TOX: variants seen among roughly 807,000 people sequenced by gnomAD.
TOX encodes thymocyte selection-associated high mobility group box protein TOX.
TOX carries 11 observed loss-of-function variants against 53.7 expected under a neutral mutation model. The ratio of observed to expected loss-of-function variants is 0.20; its 90% CI spans 0.13 to 0.34. TOX has a LOEUF of 0.34. TOX is among the 10% of genes least tolerant of loss of function. TOX has a pLI of 1.00. For synonymous variants in TOX, 225 were observed against 245.3 expected, an observed-to-expected ratio of 0.92 and a Z score of 0.77; for missense variants, 570 against 664.6, an observed-to-expected ratio of 0.86 and a Z score of 1.56.
In TOX at chr8:59,117,545, G is replaced by A. The variant is rs2129425354; in HGVS notation, c.102+1341C>T. Among the ~76,000 whole-genome samples, 1 of 152,388 alleles carries A rather than the reference G, an allele frequency of 6.6e-6. No homozygotes were observed. The highest frequency in any genetic ancestry group is 2.4e-5 in the African/African-American group (1 of 41,594). ...TCCACGGGGAAGTGTGTGTGTGAGA[G>A]CCTGCCTGTGTGTCAACACTGTCCA... On this transcript the variant is annotated intron_variant, in intron 1 of 8. Coordinates refer to ENST00000361421, the MANE Select transcript of TOX (RefSeq NM_014729.3). This position sits in a 1 kb window ranked among gnomAD's most constrained non-coding sequence, Gnocchi z 4.6.
chr8:58,989,359 T>C (rs115741888), intron 1 of TOX, among the ~76,000 whole-genome samples: 21 of 152,200 alleles, frequency 1.4e-4, no homozygotes, highest in African/African-American at 5.1e-4. Context: ...TTTAGCTATG[T>C]TTAGTGCATG....
At position 59,021,499 on chromosome 8, in the gene TOX, T is replaced by TATATATATATATATATATACAC. The variant is rs1554539851; in HGVS notation, c.103-61492_103-61491insGTGTATATATATATATATATAT. Among the ~76,000 whole-genome samples the TATATATATATATATATATACAC allele has an allele frequency of 8.3e-4, 91 of 109,482 alleles. 1 individual carries two copies. Among genetic ancestry groups the TATATATATATATATATATACAC allele is most frequent in the Middle Eastern group, 4.5e-3 (1 of 220 alleles). The allele number at this position is 109,482 out of a possible 152,430, so 71.8% of individuals were successfully genotyped here. ...AAAAAAAAATATATATATATATATATGCACATATATACAATGTCAGATATA... is the reference window on the plus strand; with the variant it reads ...AAAAAAAAATATATATATATATATATATATATATATATATATATACACGCACATATATACAATGTCAGATATA... On this transcript the variant is annotated intron_variant, in intron 1 of 8. Transcript: ENST00000361421.
intron 1 of TOX, among the ~76,000 whole-genome samples, chr8:59,018,904 T>A (rs1476702203): frequency 1.3e-5 from 2 of 152,188 alleles, no homozygotes; most frequent in Non-Finnish European, 2.9e-5. Context: ...ATTATTATGG[T>A]TAGCCTAGCT....
chr8:59,043,437 A>G (rs1803629576), intron 1 of TOX, among the ~76,000 whole-genome samples: 1 of 151,790 alleles, frequency 6.6e-6, no homozygotes, highest in Non-Finnish European at 1.5e-5. Flanking sequence ...TTCAAAATAA[A>G]TTATAGGAAA....
At chr8:58,883,388 G>T (rs545348069) in intron 3 of TOX, among the ~76,000 whole-genome samples, 9 of 152,208 alleles carry the variant, frequency 5.9e-5, no homozygotes, top group African/African-American at 2.2e-4. Context: ...CCATTATGTG[G>T]CCTACTAAAA....
At chr8:58,995,631 TAC>T (rs1813546804) in intron 1 of TOX, among the ~76,000 whole-genome samples, 1 of 152,180 alleles carries the variant, frequency 6.6e-6, no homozygotes, top group Admixed American at 6.5e-5. Flanking sequence ...AAGTGAGAAA[TAC>T]ACACAAAAGT....
rs543862739 is a variant in TOX, at chr8:58,967,131, C to T, written c.103-7123G>A. 4.7e-3 allele frequency among the ~76,000 whole-genome samples: 720 copies of T among 152,168 alleles called. 3 individuals are homozygous for T. Among genetic ancestry groups the T allele is most frequent in the African/African-American group, 0.017 (694 of 41,518 alleles). ...CCTCGTGATCTGCCCTCCTCGGCCT[C>T]CCAAAGTGCTGGGATTACAGGCGTG... On this transcript the variant is annotated intron_variant, in intron 1 of 8. Coordinates refer to ENST00000361421, the MANE Select transcript of TOX (RefSeq NM_014729.3).
intron 3 of TOX, among the ~76,000 whole-genome samples, chr8:58,926,929 A>G (rs1812171613): frequency 6.6e-6 from 1 of 152,236 alleles, no homozygotes; most frequent in African/African-American, 2.4e-5. Context: ...TGGAAAGCTA[A>G]TGTCTTTAAC....
intron 1 of TOX, among the ~76,000 whole-genome samples, chr8:58,971,482 T>C (rs890221736): frequency 6.6e-6 from 1 of 152,222 alleles, no homozygotes; most frequent in African/African-American, 2.4e-5. Flanking sequence ...CAGATTTAGA[T>C]GAGACATGCA....
At chr8:58,985,106 C>T (rs1813302157) in intron 1 of TOX, among the ~76,000 whole-genome samples, 1 of 148,918 alleles carries the variant, frequency 6.7e-6, no homozygotes, top group Non-Finnish European at 1.5e-5. Context: ...ATATAATATA[C>T]ATATATATTA....
chr8:59,036,374 A>T (rs1036401962), intron 1 of TOX, among the ~76,000 whole-genome samples: 2 of 152,092 alleles, frequency 1.3e-5, no homozygotes, highest in Non-Finnish European at 2.9e-5. Flanking sequence ...AGGCCCAGAG[A>T]CTCTGGCCTC....
At chr8:58,987,952 A>G (rs1813364240) in intron 1 of TOX, among the ~76,000 whole-genome samples, 1 of 152,238 alleles carries the variant, frequency 6.6e-6, no homozygotes, top group Non-Finnish European at 1.5e-5. Context: ...AAGCTGGCCT[A>G]AATGACATAA....
intron 3 of TOX, among the ~76,000 whole-genome samples, chr8:58,906,971 G>A (rs1358323718): frequency 6.6e-6 from 1 of 152,220 alleles, no homozygotes; most frequent in Non-Finnish European, 1.5e-5. Context: ...CCTTCAGCCT[G>A]TAGCACTGAA....
At chr8:59,058,686 C>T (rs752900231) in intron 1 of TOX, among the ~76,000 whole-genome samples, 4 of 152,198 alleles carry the variant, frequency 2.6e-5, no homozygotes, top group South Asian at 2.1e-4. Context: ...ATGAGTTGTG[C>T]GCTCCAAGTC....
intron 3 of TOX, among the ~76,000 whole-genome samples, chr8:58,919,104 C>G (rs1156560110): frequency 1.3e-5 from 2 of 151,162 alleles, no homozygotes; most frequent in Non-Finnish European, 2.9e-5. Context: ...TAGGAAGAAT[C>G]AATATTGTGA....
chr8:58,907,303 G>T (rs1332496504), intron 3 of TOX, among the ~76,000 whole-genome samples: 2 of 152,182 alleles, frequency 1.3e-5, no homozygotes, highest in Non-Finnish European at 2.9e-5. Context: ...TTTGTACTGA[G>T]ATGTTTATGG....
intron 6 of TOX, among the ~76,000 whole-genome samples, chr8:58,816,862 C>G (rs1219236911): frequency 6.6e-6 from 1 of 152,138 alleles, no homozygotes; most frequent in Non-Finnish European, 1.5e-5. Context: ...GTTCATCATG[C>G]ACGACAGCGT....
At chr8:59,115,605 A>G (rs1805087135) in intron 1 of TOX, among the ~76,000 whole-genome samples, 1 of 152,214 alleles carries the variant, frequency 6.6e-6, no homozygotes, top group Admixed American at 6.5e-5. Context: ...TATGGTACTC[A>G]TCTTTCAATG....
intron 1 of TOX, among the ~76,000 whole-genome samples, chr8:58,975,303 T>A (rs1057397758): frequency 1.3e-4 from 20 of 151,724 alleles, no homozygotes; most frequent in Non-Finnish European, 2.6e-4. Context: ...AGATTGACAC[T>A]ACTTTAGAGC....
Sources: gnomAD v4.1 joint callset for allele counts (sites outside exome capture counted in the v4.1 genomes callset) on GRCh38, gnomAD v4.1.1 for gene constraint, Gnocchi (gnomAD v3.1) non-coding constraint, MANE v1.5 for transcripts, NCBI Gene and HGNC (gene_info 2026-07-23, HGNC 2026-07-21) for gene names.